The following GREB1L variants were observed in gnomAD, a reference collection of about 807,000 sequenced individuals.
GREB1L encodes GREB1 like retinoic acid receptor coactivator, also known as GREB1-like protein.
A neutral mutation model predicts 200.8 loss-of-function variants in GREB1L; 17 were observed. The ratio of observed to expected loss-of-function variants is 0.08; its 90% confidence interval spans 0.06 to 0.13. The LOEUF is 0.13. Among genes scored for constraint, GREB1L ranks in the 10% least tolerant of loss-of-function variants. The probability of loss-of-function intolerance (pLI) is 1.00; values close to 1 mark genes in which losing one functional copy is unlikely to be tolerated. For missense variants in GREB1L, 1,657 were observed against 2,367.7 expected, an observed-to-expected ratio of 0.70 and a Z score of 6.23; for synonymous variants, 789 against 893.0, an observed-to-expected ratio of 0.88 and a Z score of 2.08.
chr18:21,517,235 C>T (rs1346573574), intron 30 of GREB1L, among the ~76,000 whole-genome samples: 1 of 152,132 alleles, frequency 6.6e-6, no homozygotes, highest in Non-Finnish European at 1.5e-5. Flanking sequence ...TCATCTAGAG[C>T]CAAAACATTT....
At chr18:21,339,182 A>T (rs967885702) in intron 1 of GREB1L, among the ~76,000 whole-genome samples, 1 of 151,032 alleles carries the variant, frequency 6.6e-6, no homozygotes, top group Non-Finnish European at 1.5e-5. Context: ...GCCAGACTCC[A>T]TCTCAAAAAA....
chr18:21,463,134 CTTTTTTTTTT>C lies in GREB1L; in HGVS notation c.2182+8591_2182+8600del, dbSNP rs11355874. Among the ~76,000 whole-genome samples the C allele has an allele frequency of 1.4e-3, 77 of 55,686 alleles. No individual in the cohort carries two copies. In the East Asian group the frequency reaches 0.044, roughly 32 times the overall value. The allele number at this position is 55,686 out of a possible 152,430, so 36.5% of individuals were successfully genotyped here. ...CCGATAGGTAAATAGCTTAATGGTT[CTTTTTTTTTT>C]TTTTTTTTTTTTTTTTTTTGAGATG... is the stretch of plus-strand genomic sequence containing the variant. On this transcript the variant is annotated intron_variant, in intron 15 of 32. Transcript: ENST00000424526.
At chr18:21,444,523 T>C (rs539912841) in intron 11 of GREB1L, 114 bp downstream of exon 11, 4 of 842,178 alleles carry the variant, frequency 4.7e-6, no homozygotes, top group African/African-American at 3.4e-5. Context: ...CCTCTTTCGC[T>C]TCTAATGTTC....
intron 23 of GREB1L, among the ~76,000 whole-genome samples, chr18:21,505,130 C>A (rs1468454144): frequency 6.6e-6 from 1 of 152,168 alleles, no homozygotes; most frequent in African/African-American, 2.4e-5. Flanking sequence ...CAAAATTAAA[C>A]TTTTAAGGAA....
At chr18:21,264,675 C>T (rs73959824) in intron 1 of GREB1L, among the ~76,000 whole-genome samples, 33 of 147,464 alleles carry the variant, frequency 2.2e-4, no homozygotes, top group Admixed American at 6.1e-4. Context: ...CCCTCCCCCC[C>T]TCCTGGTCAC....
intron 17 of GREB1L, among the ~76,000 whole-genome samples, chr18:21,485,168 A>G (rs1273984727): frequency 6.6e-6 from 1 of 152,210 alleles, no homozygotes; most frequent in Non-Finnish European, 1.5e-5. Context: ...TTTGTTTGCA[A>G]AGATAAGCTT....
intron 7 of GREB1L, among the ~76,000 whole-genome samples, chr18:21,433,052 C>A (rs1303680474): frequency 6.6e-6 from 1 of 152,130 alleles, no homozygotes; most frequent in South Asian, 2.1e-4. Context: ...AGTAAACCAC[C>A]ACCATGACCT....
chr18:21,445,405 C>T (rs1270378474), intron 11 of GREB1L, among the ~76,000 whole-genome samples: 2 of 151,850 alleles, frequency 1.3e-5, no homozygotes, highest in African/African-American at 4.8e-5. Flanking sequence ...ACCCGGGAGG[C>T]GGAGGTTGCA....
At chr18:21,412,971 T>C (rs2031232509) in intron 7 of GREB1L, among the ~76,000 whole-genome samples, 1 of 152,166 alleles carries the variant, frequency 6.6e-6, no homozygotes, top group African/African-American at 2.4e-5. Flanking sequence ...TTTTTCTGTT[T>C]CGCATGTGGT....
intron 7 of GREB1L, among the ~76,000 whole-genome samples, chr18:21,435,602 G>C (rs2033484467): frequency 6.6e-6 from 1 of 152,186 alleles, no homozygotes; most frequent in Admixed American, 6.5e-5. Flanking sequence ...AAGCAATTCA[G>C]ATTCAGGGAA....
chr18:21,477,395 C>T (rs1443540312), intron 17 of GREB1L, 39 bp downstream of exon 17: 3 of 1,457,710 alleles, frequency 2.1e-6, no homozygotes, highest in South Asian at 1.4e-5. Flanking sequence ...CTGTCATGTT[C>T]TCAGTTCCCA....
chr18:21,392,058 C>T (rs1297690137), intron 4 of GREB1L, among the ~76,000 whole-genome samples: 5 of 152,210 alleles, frequency 3.3e-5, no homozygotes, highest in Admixed American at 3.3e-4. Flanking sequence ...GATCCACCCG[C>T]CTCAGCCTCC....
At chr18:21,347,850 C>T (rs2143189544) in intron 1 of GREB1L, among the ~76,000 whole-genome samples, 1 of 147,434 alleles carries the variant, frequency 6.8e-6, no homozygotes, top group South Asian at 2.2e-4. Context: ...CACTGCAATC[C>T]CCGCCTCCCA....
chr18:21,464,673 A>T (rs965140557), intron 15 of GREB1L, among the ~76,000 whole-genome samples: 6 of 152,176 alleles, frequency 3.9e-5, no homozygotes, highest in African/African-American at 1.4e-4. Context: ...AGACACTGCC[A>T]TAACCAAGTA....
chr18:21,260,042 G>T (rs2037865161), intron 1 of GREB1L, among the ~76,000 whole-genome samples: 1 of 151,806 alleles, frequency 6.6e-6, no homozygotes, highest in Non-Finnish European at 1.5e-5. Context: ...AGCTCATTTG[G>T]ACCTTCAGAC....
rs2037683093 is a variant in GREB1L at position 21,526,105 on chromosome 18, A to G, written c.*3284A>G. 6.6e-6 allele frequency among the ~76,000 whole-genome samples: 1 copy of G among 152,090 alleles called. No individual in the cohort carries two copies. The highest frequency in any genetic ancestry group is 2.4e-5 in the African/African-American group (1 of 41,376). ...ACATCCAGAGAACGAACATTTATCA[A>G]GCTTCTCTTTAGACACAGAAACTGG... On this transcript the variant is annotated 3_prime_UTR_variant, in exon 33 of 33. Coordinates refer to ENST00000424526, the MANE Select transcript of GREB1L (RefSeq NM_001142966.3).
chr18:21,344,965 T>A (rs1477279497), intron 1 of GREB1L, among the ~76,000 whole-genome samples: 1 of 152,192 alleles, frequency 6.6e-6, no homozygotes, highest in Non-Finnish European at 1.5e-5. Flanking sequence ...GTTCCTTTCC[T>A]TTTTATCTAA....
Position 21,440,272 on chromosome 18 carries a change from C to A in GREB1L, c.953C>A (p.Thr318Asn), listed in dbSNP as rs987538869. ...RPSYASGDQATMFISGPPKKR... is the reference protein window; with the variant it reads ...RPSYASGDQANMFISGPPKKR... ...TTGTTTTTTTGTTTGTCTTCAGCTA[C>A]CATGTTCATTTCTGGGCCACCAAAG... Residue 318 changes from threonine (T) to asparagine (N), a missense_variant, in exon 9 of 33, where the codon ACC becomes AAC. Physicochemically the swap from Thr to Asn is moderately conservative, Grantham distance 65. This residue lies in a region of GREB1L where 289 missense variants were observed against 345.1 expected (regional missense o/e 0.84). Transcript: ENST00000424526. 6.4e-7 allele frequency: 1 copy of A among 1,551,408 alleles called. No individual in the cohort carries two copies. Among genetic ancestry groups the A allele is most frequent in the Non-Finnish European group, 8.7e-7 (1 of 1,146,944 alleles).
chr18:21,366,497 T>C (rs1463436387), intron 2 of GREB1L, among the ~76,000 whole-genome samples: 1 of 152,218 alleles, frequency 6.6e-6, no homozygotes, highest in Non-Finnish European at 1.5e-5. Context: ...ATTATCCCTA[T>C]TGACTGCATA....
Sources: gnomAD v4.1 joint callset for allele counts (sites outside exome capture counted in the v4.1 genomes callset) on GRCh38, gnomAD v4.1.1 for gene constraint, gnomAD v4.1.1 regional missense constraint, MANE v1.5 for transcripts, NCBI Gene and HGNC (gene_info 2026-07-23, HGNC 2026-07-21) for gene names.